Variants in CFAP95 observed in about 807,000 individuals in gnomAD.
CFAP95 encodes the protein cilia and flagella associated protein 95.
the CFAP95 span, among the ~76,000 whole-genome samples, chr9:69,841,197 T>TATATATATATATATATATATA: frequency 2.6e-3 from 342 of 131,264 alleles, no homozygotes; most frequent in Non-Finnish European, 3.7e-3. Flanking sequence ...TATATATATA[T>TATATATATATATATATATATA]TTCTGATTTA....
chr9:69,834,725 T>C, the CFAP95 span, among the ~76,000 whole-genome samples: 490 of 152,354 alleles, frequency 3.2e-3, 1 homozygote, highest in Non-Finnish European at 4.9e-3. Flanking sequence ...ACTTCACTTA[T>C]CTGTCTCCAT....
At chr9:69,870,614 C>T in the CFAP95 span, among the ~76,000 whole-genome samples, 1 of 152,242 alleles carries the variant, frequency 6.6e-6, no homozygotes, top group East Asian at 1.9e-4. Flanking sequence ...AAGCCCTCCC[C>T]AGGATCTTCA....
At chr9:69,852,597 T>G in the CFAP95 span, among the ~76,000 whole-genome samples, 29 of 152,092 alleles carry the variant, frequency 1.9e-4, no homozygotes, top group Admixed American at 4.6e-4. Context: ...CTTGATGCAC[T>G]GGGGTCTCAC....
chr9:69,844,516 G>A, the CFAP95 span: 1 of 1,579,448 alleles, frequency 6.3e-7, no homozygotes, highest in Non-Finnish European at 8.6e-7. Flanking sequence ...TTTTTCTTAA[G>A]GCACCGTGAC....
chr9:69,866,475 A>G, the CFAP95 span, among the ~76,000 whole-genome samples: 1 of 152,248 alleles, frequency 6.6e-6, no homozygotes, highest in Admixed American at 6.5e-5. Flanking sequence ...CTAGGAGCTC[A>G]GATGTCCAAG....
chr9:69,846,711 G>A, the CFAP95 span, among the ~76,000 whole-genome samples: 2 of 152,342 alleles, frequency 1.3e-5, no homozygotes, highest in African/African-American at 2.4e-5. Context: ...TGCCAGGTGT[G>A]AGGCTGGATA....
At chr9:69,851,582 G>A in the CFAP95 span, among the ~76,000 whole-genome samples, 1 of 152,020 alleles carries the variant, frequency 6.6e-6, no homozygotes, top group Non-Finnish European at 1.5e-5. Context: ...AGCCTTTTGT[G>A]TTTATTTTAC....
At chr9:69,821,745 T>A in the CFAP95 span, among the ~76,000 whole-genome samples, 12 of 152,136 alleles carry the variant, frequency 7.9e-5, no homozygotes, top group Non-Finnish European at 1.3e-4. Context: ...TGTTTACTTT[T>A]TTTTTTTTTC....
At chr9:69,830,830 T>A in the CFAP95 span, among the ~76,000 whole-genome samples, 1 of 152,160 alleles carries the variant, frequency 6.6e-6, no homozygotes, top group Non-Finnish European at 1.5e-5. Flanking sequence ...AAAAACTTTT[T>A]TTTTCTTTGG....
the CFAP95 span, among the ~76,000 whole-genome samples, chr9:69,901,631 A>C: frequency 0.12 from 17,711 of 152,124 alleles, 1,171 homozygotes; most frequent in South Asian, 0.2. Flanking sequence ...GCTATTGTGA[A>C]TAGTGCTGCA....
chr9:69,837,636 T>A, the CFAP95 span, among the ~76,000 whole-genome samples: 54 of 152,226 alleles, frequency 3.5e-4, 1 homozygote, highest in Non-Finnish European at 1.8e-4. Flanking sequence ...TATTAGCCCT[T>A]TGTCAGATGA....
the CFAP95 span, among the ~76,000 whole-genome samples, chr9:69,893,177 A>C: frequency 0.01 from 1,538 of 152,264 alleles, 27 homozygotes; most frequent in African/African-American, 0.035. Context: ...GCTCGCACAG[A>C]GTTCTGCTCC....
chr9:69,879,606 C>T, the CFAP95 span, among the ~76,000 whole-genome samples: 159 of 152,272 alleles, frequency 1.0e-3, 2 homozygotes, highest in East Asian at 0.024. Flanking sequence ...TGGAATTTGG[C>T]TTTATCAAAG....
At chr9:69,831,597 A>C in the CFAP95 span, among the ~76,000 whole-genome samples, 1 of 152,180 alleles carries the variant, frequency 6.6e-6, no homozygotes, top group African/African-American at 2.4e-5. Flanking sequence ...CCCAGCAACT[A>C]CAATGTACTG....
the CFAP95 span, among the ~76,000 whole-genome samples, chr9:69,861,353 A>G: frequency 6.6e-6 from 1 of 152,166 alleles, no homozygotes; most frequent in South Asian, 2.1e-4. Context: ...AGCCTCTTCA[A>G]TCTCCCTTCT....
At chr9:69,901,663 C>T in the CFAP95 span, among the ~76,000 whole-genome samples, 1 of 152,126 alleles carries the variant, frequency 6.6e-6, no homozygotes, top group Non-Finnish European at 1.5e-5. Flanking sequence ...GTGCATGTGT[C>T]TTTATAGCAG....
At chr9:69,904,067 T>C in the CFAP95 span, among the ~76,000 whole-genome samples, 3 of 152,178 alleles carry the variant, frequency 2.0e-5, no homozygotes, top group East Asian at 3.9e-4. Flanking sequence ...TAATTTCACA[T>C]ACTATAACAC....
chr9:69,828,927 G>A, the CFAP95 span, among the ~76,000 whole-genome samples: 7 of 152,064 alleles, frequency 4.6e-5, no homozygotes, highest in Admixed American at 1.3e-4. Context: ...TTCCCTGGAT[G>A]CAAGCATTCT....
the CFAP95 span, among the ~76,000 whole-genome samples, chr9:69,858,477 G>C: frequency 6.6e-6 from 1 of 152,172 alleles, no homozygotes; most frequent in Admixed American, 6.5e-5. Context: ...CTCAAGCATG[G>C]TGGTGAAGTG....
Sources: gnomAD v4.1 joint callset for allele counts (sites outside exome capture counted in the v4.1 genomes callset) on GRCh38, gnomAD v4.1.1 for gene constraint, MANE v1.5 for transcripts, NCBI Gene and HGNC (gene_info 2026-07-23, HGNC 2026-07-21) for gene names.